Variants in SIPA1L3 observed in about 807,000 individuals in gnomAD.
SIPA1L3 encodes signal induced proliferation associated 1 like 3, also known as signal-induced proliferation-associated 1-like protein 3.
Under a neutral mutation model 150.1 loss-of-function variants are expected in SIPA1L3, and 59 were observed. That is an observed-to-expected ratio of 0.39 (90% CI 0.32 to 0.49). SIPA1L3 has a LOEUF of 0.49. Ranked by LOEUF, SIPA1L3 falls within the 20% of genes least tolerant of loss-of-function variation. The pLI is 0.86. For missense variants in SIPA1L3, 2,211 were observed against 2,489.5 expected (o/e 0.89, Z 2.38); for synonymous variants, 1,070 against 1,077.6 (o/e 0.99, Z 0.14).
chr19:38,158,618 C>T (rs1294694440), intron 13 of SIPA1L3, among the ~76,000 whole-genome samples: 2 of 152,134 alleles, frequency 1.3e-5, no homozygotes, highest in African/African-American at 4.8e-5. Flanking sequence ...GGGAGCAGGA[C>T]CAGGTGGGGA....
chr19:38,030,325 G>T (rs1460914508), intron 2 of SIPA1L3, among the ~76,000 whole-genome samples: 1 of 151,956 alleles, frequency 6.6e-6, no homozygotes, highest in African/African-American at 2.4e-5. Flanking sequence ...ACTTTGAGAG[G>T]CTGAGGCTCG....
intron 1 of SIPA1L3, among the ~76,000 whole-genome samples, chr19:37,914,004 G>A (rs1173889513): frequency 9.1e-5 from 13 of 143,278 alleles, no homozygotes; most frequent in African/African-American, 2.1e-4. Flanking sequence ...CAGCCTGGGC[G>A]GCAGAGTGAG....
intron 1 of SIPA1L3, among the ~76,000 whole-genome samples, chr19:37,935,537 G>A (rs1826417506): frequency 6.6e-6 from 1 of 152,212 alleles, no homozygotes; most frequent in Admixed American, 6.5e-5. Context: ...TGAACCTGTG[G>A]TTGACTGGGG....
At chr19:38,143,042 A>G (rs947292609) in intron 12 of SIPA1L3, among the ~76,000 whole-genome samples, 3 of 152,122 alleles carry the variant, frequency 2.0e-5, no homozygotes, top group African/African-American at 4.8e-5. Context: ...GGCTGCCAGC[A>G]TTACCCAGTT....
At chr19:37,916,917 CCACTGCACTCCAGCCTGGG>C (rs1221216081) in intron 1 of SIPA1L3, among the ~76,000 whole-genome samples, 6 of 151,562 alleles carry the variant, frequency 4.0e-5, no homozygotes, top group African/African-American at 1.5e-4. Context: ...CAAGATTGCA[CCACTGCACTCCAGCCTGGG>C]CAACAGAGTG....
At chr19:38,124,606 C>T (rs568434500) in intron 9 of SIPA1L3, among the ~76,000 whole-genome samples, 174 of 151,262 alleles carry the variant, frequency 1.2e-3, no homozygotes, top group African/African-American at 3.7e-3. Flanking sequence ...GGGTGGCGGC[C>T]GGGCAGAGGC....
chr19:38,169,512 C>T (rs1294990376), intron 15 of SIPA1L3, among the ~76,000 whole-genome samples: 1 of 152,156 alleles, frequency 6.6e-6, no homozygotes, highest in Non-Finnish European at 1.5e-5. Context: ...CTCTCTGGGC[C>T]TCAGTTTCCT....
chr19:38,017,835 C>T (rs1968273706), intron 1 of SIPA1L3, among the ~76,000 whole-genome samples: 1 of 152,136 alleles, frequency 6.6e-6, no homozygotes. Flanking sequence ...TGGCCTCTCT[C>T]TGCTTCTTTT....
intron 9 of SIPA1L3, among the ~76,000 whole-genome samples, chr19:38,122,742 A>C (rs759550393): frequency 6.6e-6 from 1 of 152,168 alleles, no homozygotes; most frequent in Non-Finnish European, 1.5e-5. Context: ...CTGAGGTTTC[A>C]TGCGCATGCT....
intron 1 of SIPA1L3, among the ~76,000 whole-genome samples, chr19:37,997,864 C>CAA (rs967452351): frequency 0.023 from 1,564 of 69,188 alleles, 31 homozygotes; most frequent in African/African-American, 0.068. Context: ...GACTCCATCT[C>CAA]AAAAAAAAAA....
At chr19:38,141,537 C>T (rs1458927601) in intron 11 of SIPA1L3, 102 bp downstream of exon 11, 4 of 1,281,654 alleles carry the variant, frequency 3.1e-6, no homozygotes, top group Non-Finnish European at 3.2e-6. Context: ...CTCTTCCTCG[C>T]CTCAAGCTTT....
At position 38,100,274 on chromosome 19, in the gene SIPA1L3, G is replaced by C. The variant is rs190333203; in HGVS notation, c.1854+124G>C. ...CAAGTAACAGAAACCTACTTAAGCT[G>C]GTTTCAGCAAAAGGAGGGATTCAAA... On this transcript the variant is annotated intron_variant, in intron 5 of 21. Coordinates refer to ENST00000222345, the MANE Select transcript of SIPA1L3 (RefSeq NM_015073.3). 9.0e-4 allele frequency: 671 copies of C among 743,316 alleles called. 3 individuals are homozygous for C. Among genetic ancestry groups the C allele is most frequent in the Non-Finnish European group, 1.4e-4 (69 of 492,240 alleles). 46.0% of individuals were successfully genotyped at this position (743,316 alleles called of 1,614,324 possible).
intron 2 of SIPA1L3, among the ~76,000 whole-genome samples, chr19:38,057,701 C>T (rs2145773835): frequency 6.6e-6 from 1 of 151,798 alleles, no homozygotes; most frequent in Non-Finnish European, 1.5e-5. Context: ...GGCTGGAGTG[C>T]AGTGGCGCAA....
chr19:37,976,070 ACTCCTGCCTGGGT>A (rs1967067155), intron 1 of SIPA1L3, among the ~76,000 whole-genome samples: 1 of 147,160 alleles, frequency 6.8e-6, no homozygotes, highest in Admixed American at 6.9e-5. Flanking sequence ...GCACCAGTGC[ACTCCTGCCTGGGT>A]GACAGAGCAA....
At position 38,036,613 on chromosome 19, in the gene SIPA1L3, G is replaced by A. The variant is rs138341624; in HGVS notation, c.-311+7457G>A. On this transcript the variant is annotated intron_variant, in intron 2 of 21. Transcript: ENST00000222345. ...TTTCCCTGCTCCACACCTTCCGGTC[G>A]GTGATCACAGTGTCTCTGCTTTCTA... is the stretch of plus-strand genomic sequence containing the variant. 3.1e-3 allele frequency among the ~76,000 whole-genome samples: 473 copies of A among 152,286 alleles called. 2 individuals are homozygous for A. Among genetic ancestry groups the A allele is most frequent in the African/African-American group, 0.011 (448 of 41,556 alleles).
intron 2 of SIPA1L3, among the ~76,000 whole-genome samples, chr19:38,065,686 T>G (rs1969557906): frequency 6.6e-6 from 1 of 151,724 alleles, no homozygotes; most frequent in Non-Finnish European, 1.5e-5. Flanking sequence ...CCTCCCAAAG[T>G]GCTGGGATTA....
Position 37,969,474 on chromosome 19 carries a change from C to T in SIPA1L3, c.-378-59615C>T, listed in dbSNP as rs140970242. ...GGCTGAGGCATGAGAATTGCTTCAA[C>T]CCGGGAGGTGGAGGTTGCAGTGAGC... On this transcript the variant is annotated intron_variant, in intron 1 of 21. Coordinates refer to ENST00000222345, the MANE Select transcript of SIPA1L3 (RefSeq NM_015073.3). Among the ~76,000 whole-genome samples, 1,041 of 150,536 alleles carry T rather than the reference C, an allele frequency of 6.9e-3. 36 individuals are homozygous for T. Among genetic ancestry groups the T allele is most frequent in the East Asian group, 0.066 (333 of 5,042 alleles).
At chr19:38,123,493 T>A (rs1299039522) in intron 9 of SIPA1L3, among the ~76,000 whole-genome samples, 1 of 125,790 alleles carries the variant, frequency 7.9e-6, no homozygotes, top group African/African-American at 3.2e-5. Context: ...CCTTCAAGCA[T>A]CTGTTTAACA....
intron 1 of SIPA1L3, among the ~76,000 whole-genome samples, chr19:37,985,337 CAT>C (rs1347093573): frequency 6.6e-6 from 1 of 152,028 alleles, no homozygotes; most frequent in African/African-American, 2.4e-5. Context: ...AGACTAGAGT[CAT>C]GTGCCACCAT....
Sources: gnomAD v4.1 joint callset for allele counts (sites outside exome capture counted in the v4.1 genomes callset) on GRCh38, gnomAD v4.1.1 for gene constraint, MANE v1.5 for transcripts, NCBI Gene and HGNC (gene_info 2026-07-23, HGNC 2026-07-21) for gene names.